The following SUGP1 variants were observed in gnomAD, a reference collection of about 807,000 sequenced individuals.
The protein encoded by SUGP1 is SURP and G-patch domain containing 1.
In SUGP1, 34 loss-of-function variants were observed where a neutral mutation model predicts 76.5. The observed-to-expected ratio is 0.44, with a 90% CI of 0.34 to 0.59. The LOEUF is 0.59. Ranked by LOEUF, SUGP1 falls within the 20% of genes least tolerant of loss-of-function variation. The pLI, the probability that SUGP1 is intolerant of heterozygous loss-of-function variation, is 0.01. For missense variants in SUGP1, 752 were observed against 851.7 expected (o/e 0.88, Z 1.46); for synonymous variants, 326 against 326.2 (o/e 1.00, Z 0.01).
intron 8 of SUGP1, among the ~76,000 whole-genome samples, chr19:19,290,570 G>T (rs940356437): frequency 6.6e-6 from 1 of 151,962 alleles, no homozygotes; most frequent in Non-Finnish European, 1.5e-5. Flanking sequence ...CTTGAACCTG[G>T]TAGGCAGAGG....
At chr19:19,298,624 C>T (rs1227576899) in intron 7 of SUGP1, among the ~76,000 whole-genome samples, 1 of 152,180 alleles carries the variant, frequency 6.6e-6, no homozygotes, top group South Asian at 2.1e-4. Flanking sequence ...CAGGAGATGA[C>T]AGCATCTTCT....
chr19:19,303,793 A>G lies in SUGP1; in HGVS notation c.593T>C (p.Phe198Ser). Reference protein sequence around the residue: ...TRKVIEKLARFVAEGGPELEK... With the variant: ...TRKVIEKLARSVAEGGPELEK... ...TAACTCGGGGCCTCCTTCTGCCACA[A>G]AGCGGGCCAATTTCTCTATCACTTT... The change falls in exon 5 of 14, where the codon TTT (phenylalanine) becomes TCT (serine). Residue 198 changes from phenylalanine (F) to serine (S), a missense_variant. Coordinates refer to ENST00000247001, the MANE Select transcript of SUGP1 (RefSeq NM_172231.4). 2.5e-6 allele frequency: 4 copies of G among 1,614,148 alleles called. No homozygotes were observed. Among genetic ancestry groups the G allele is most frequent in the Non-Finnish European group, 3.4e-6 (4 of 1,180,036 alleles).
At chr19:19,279,185 G>GC in intron 10 of SUGP1, 28 bp downstream of exon 10, 10 of 1,244,390 alleles carry the variant, frequency 8.0e-6, no homozygotes, top group African/African-American at 3.0e-5. Context: ...GCCCAGCCCA[G>GC]CCCGGCCCAC....
chr19:19,314,683 G>A (rs1226442826), intron 2 of SUGP1, among the ~76,000 whole-genome samples: 1 of 152,172 alleles, frequency 6.6e-6, no homozygotes, highest in African/African-American at 2.4e-5. Context: ...TCAGGCTGCA[G>A]AGTACAGCGA....
chr19:19,280,615 C>T (rs2146591699), intron 8 of SUGP1: 2 of 301,196 alleles, frequency 6.6e-6, no homozygotes, highest in Middle Eastern at 1.1e-3. Flanking sequence ...CAGGAATTTG[C>T]AGAGCCAGAG....
chr19:19,294,972 C>T (rs1411004304), intron 8 of SUGP1, among the ~76,000 whole-genome samples: 1 of 152,100 alleles, frequency 6.6e-6, no homozygotes, highest in Non-Finnish European at 1.5e-5. Context: ...TAAAAGAGAA[C>T]TCGTACAACT....
chr19:19,279,398 G>T lies in SUGP1; in HGVS notation c.1351-8C>A. 6.3e-7 allele frequency: 1 copy of T among 1,590,976 alleles called. No individual in the cohort carries two copies. ...GTCGTACATCTGCTGCATCTGCAGG[G>T]CACACTCGCCAGTGAGCCAGGGCAC... On this transcript the variant is annotated splice_polypyrimidine_tract_variant and splice_region_variant and intron_variant, in intron 9 of 13. Coordinates refer to ENST00000247001, the MANE Select transcript of SUGP1 (RefSeq NM_172231.4).
intron 8 of SUGP1, among the ~76,000 whole-genome samples, chr19:19,283,229 G>A (rs1363194094): frequency 6.6e-6 from 1 of 152,110 alleles, no homozygotes; most frequent in Non-Finnish European, 1.5e-5. Context: ...AATGTGTTTT[G>A]CAGTCAAGAG....
At chr19:19,316,755 T>C (rs1467305228) in intron 1 of SUGP1, among the ~76,000 whole-genome samples, 162 bp from the exon 2 acceptor site, 1 of 152,120 alleles carries the variant, frequency 6.6e-6, no homozygotes, top group Non-Finnish European at 1.5e-5. Context: ...TACCATACCC[T>C]GTACTTACTA....
intron 8 of SUGP1, among the ~76,000 whole-genome samples, chr19:19,291,138 TAAGA>T (rs775952155): frequency 4.0e-4 from 61 of 151,578 alleles, no homozygotes; most frequent in Non-Finnish European, 6.0e-4. Context: ...AACAAAAAAA[TAAGA>T]AAGAAAGAAG....
At chr19:19,278,904 C>T (rs2061074901) in intron 10 of SUGP1, 108 bp from the exon 11 acceptor site, 3 of 1,207,098 alleles carry the variant, frequency 2.5e-6, no homozygotes, top group Non-Finnish European at 3.6e-6. Context: ...CCTGGGGCCC[C>T]CAGGGAAGGA....
In SUGP1 at chr19:19,276,507, C is replaced by A. The variant is rs1027760669; in HGVS notation, c.*141G>T. 1 of 967,758 alleles carries A rather than the reference C, an allele frequency of 1.0e-6. No individual in the cohort carries two copies. The highest frequency in any genetic ancestry group is 1.6e-6 in the Non-Finnish European group (1 of 626,936). The allele number at this position is 967,758 out of a possible 1,614,324, so 59.9% of individuals were successfully genotyped here. A position where few individuals can be genotyped will look rare whatever the true frequency, so the allele number is the denominator to read the frequency against. On this transcript the variant is annotated 3_prime_UTR_variant, in exon 14 of 14. Transcript: ENST00000247001. ...AGGGGCTTCCTGCAACAGGACCAGGCATCTGTGGTGGATGAGCACTGGGAC... is the reference window on the plus strand; with the variant it reads ...AGGGGCTTCCTGCAACAGGACCAGGAATCTGTGGTGGATGAGCACTGGGAC...
At chr19:19,311,531 T>C (rs2061352947) in intron 2 of SUGP1, among the ~76,000 whole-genome samples, 1 of 151,556 alleles carries the variant, frequency 6.6e-6, no homozygotes, top group African/African-American at 2.4e-5. Context: ...ATAGAGACCA[T>C]CCTGGCTAAC....
At chr19:19,317,522 T>C (rs758431402) in intron 1 of SUGP1, among the ~76,000 whole-genome samples, 3 of 152,064 alleles carry the variant, frequency 2.0e-5, no homozygotes, top group Admixed American at 6.6e-5. Flanking sequence ...GCAAGATCCA[T>C]TGGGTCTTTT....
At chr19:19,282,937 C>T (rs770150436) in intron 8 of SUGP1, among the ~76,000 whole-genome samples, 1 of 151,950 alleles carries the variant, frequency 6.6e-6, no homozygotes, top group East Asian at 1.9e-4. Context: ...ATTAGCCAGG[C>T]GTGGTGGCAG....
intron 8 of SUGP1, among the ~76,000 whole-genome samples, chr19:19,294,908 G>A (rs1210928037): frequency 6.6e-6 from 1 of 152,098 alleles, no homozygotes; most frequent in Non-Finnish European, 1.5e-5. Flanking sequence ...CATAGAATGA[G>A]AGAAAGTATT....
chr19:19,305,565 C>T (rs917618163), intron 4 of SUGP1: 13 of 343,240 alleles, frequency 3.8e-5, no homozygotes, highest in African/African-American at 2.3e-4. Context: ...GAAGGGCGTG[C>T]GCCCCTGCCT....
chr19:19,291,550 T>A (rs2061183276), intron 8 of SUGP1, among the ~76,000 whole-genome samples: 1 of 151,226 alleles, frequency 6.6e-6, no homozygotes, highest in Admixed American at 6.6e-5. Context: ...AAATAGAAAA[T>A]CTGAATAGAC....
chr19:19,316,632 C>T, intron 1 of SUGP1, 39 bp from the exon 2 acceptor site: 1 of 1,608,018 alleles, frequency 6.2e-7, no homozygotes, highest in Non-Finnish European at 8.5e-7. Flanking sequence ...ATCACCCTTA[C>T]TCCACAAACA....
Sources: allele counts gnomAD v4.1 joint callset (sites outside exome capture counted in the v4.1 genomes callset), GRCh38; gene constraint gnomAD v4.1.1; transcripts MANE v1.5; gene names NCBI Gene and HGNC (gene_info 2026-07-23, HGNC 2026-07-21).